The following PDE11A variants were observed in gnomAD, a reference collection of about 807,000 sequenced individuals.
PDE11A encodes the protein dual 3',5'-cyclic-AMP and -GMP phosphodiesterase 11A.
Under a neutral mutation model 100.5 loss-of-function variants are expected in PDE11A, and 100 were observed. That is an observed-to-expected ratio of 1.00 (90% CI 0.85 to 1.18). PDE11A has a LOEUF of 1.18. PDE11A is among the 50% of genes most tolerant of loss of function. The pLI, the probability that PDE11A is intolerant of heterozygous loss-of-function variation, is 0.00. For missense variants in PDE11A, 1,141 were observed against 1,152.6 expected (o/e 0.99, Z 0.15); for synonymous variants, 381 against 420.8 (o/e 0.91, Z 1.16).
intron 2 of PDE11A, among the ~76,000 whole-genome samples, chr2:177,919,333 G>A (rs1194496666): frequency 1.3e-5 from 2 of 151,966 alleles, no homozygotes; most frequent in African/African-American, 2.4e-5. Flanking sequence ...TTTTGACCTC[G>A]TGATCCGCCC....
At chr2:177,650,181 T>C (rs954997651) in intron 19 of PDE11A, among the ~76,000 whole-genome samples, 9 of 152,200 alleles carry the variant, frequency 5.9e-5, no homozygotes, top group Admixed American at 5.9e-4. Context: ...TGAAAAGCGA[T>C]CGATGTCTCC....
At chr2:177,846,032 G>A (rs896566883) in intron 5 of PDE11A, among the ~76,000 whole-genome samples, 2 of 141,880 alleles carry the variant, frequency 1.4e-5, no homozygotes, top group Admixed American at 7.0e-5. Context: ...GGGGGAGACC[G>A]TGGGGAGAGG....
intron 5 of PDE11A, among the ~76,000 whole-genome samples, chr2:177,866,626 T>TG (rs2084034464): frequency 6.6e-6 from 1 of 152,234 alleles, no homozygotes. Flanking sequence ...GGAATGTAGC[T>TG]GAAAGGCCTT....
chr2:177,846,373 A>C (rs2083602830), intron 5 of PDE11A, among the ~76,000 whole-genome samples: 1 of 152,224 alleles, frequency 6.6e-6, no homozygotes, highest in Non-Finnish European at 1.5e-5. Context: ...CACAACTTTT[A>C]AAGCAAATTC....
At chr2:177,997,890 A>G in intron 2 of PDE11A, 1 of 1,367,752 alleles carries the variant, frequency 7.3e-7, no homozygotes, top group African/African-American at 1.4e-5. Context: ...CACAAAATGA[A>G]CTCATCTCCA....
Position 178,038,429 on chromosome 2 carries a change from A to G in PDE11A, c.913-23969T>C, listed in dbSNP as rs191022644. Among the ~76,000 whole-genome samples the G allele has an allele frequency of 2.1e-3, 318 of 152,278 alleles. 2 individuals carry two copies. Among genetic ancestry groups the G allele is most frequent in the African/African-American group, 7.2e-3 (301 of 41,566 alleles). On this transcript the variant is annotated intron_variant, in intron 1 of 19. Coordinates refer to ENST00000286063, the MANE Select transcript of PDE11A (RefSeq NM_016953.4). Reference sequence around the variant, plus strand: ...TCTTTCATTCCACATTATTAAAAAAAAAGAATGAAAATCAAGCAATAAAGA... The same window carrying G: ...TCTTTCATTCCACATTATTAAAAAAGAAGAATGAAAATCAAGCAATAAAGA...
intron 4 of PDE11A, among the ~76,000 whole-genome samples, chr2:177,891,625 G>C (rs1052292294): frequency 6.6e-6 from 1 of 152,204 alleles, no homozygotes; most frequent in Admixed American, 6.5e-5. Flanking sequence ...AAGGCAAAAA[G>C]CTGGGTACTC....
intron 15 of PDE11A, among the ~76,000 whole-genome samples, chr2:177,684,710 A>G (rs529828597): frequency 6.6e-6 from 1 of 152,344 alleles, no homozygotes; most frequent in East Asian, 1.9e-4. Context: ...GATCAAAGGA[A>G]ATGATTTATG....
intron 5 of PDE11A, among the ~76,000 whole-genome samples, chr2:177,855,903 AACACACACACACACACAC>A (rs57202805): frequency 5.5e-4 from 77 of 139,662 alleles, no homozygotes; most frequent in East Asian, 2.7e-3. Context: ...GAACGTATGC[AACACACACACACACACAC>A]ACACACACAC....
intron 1 of PDE11A, among the ~76,000 whole-genome samples, chr2:178,048,473 C>A (rs966905773): frequency 6.6e-6 from 1 of 152,126 alleles, no homozygotes; most frequent in African/African-American, 2.4e-5. Flanking sequence ...CTTCCCTTAA[C>A]CCGTCCACCC....
chr2:177,756,974 A>G (rs181434716), intron 10 of PDE11A, among the ~76,000 whole-genome samples: 61 of 152,368 alleles, frequency 4.0e-4, no homozygotes, highest in African/African-American at 1.3e-3. Flanking sequence ...AGGAGGGTCA[A>G]GCCAAGACGA....
chr2:177,710,817 A>G (rs1244641330), intron 13 of PDE11A, among the ~76,000 whole-genome samples: 1 of 152,212 alleles, frequency 6.6e-6, no homozygotes, highest in Non-Finnish European at 1.5e-5. Flanking sequence ...GAGAATGATG[A>G]GCTGAAAAGA....
chr2:178,042,965 G>A (rs2086702870), intron 1 of PDE11A, among the ~76,000 whole-genome samples: 1 of 152,084 alleles, frequency 6.6e-6, no homozygotes, highest in Non-Finnish European at 1.5e-5. Flanking sequence ...TGGACATGGG[G>A]GCTGAGGCAT....
chr2:178,086,304 C>T (rs1049784334), intron 2 of PDE11A, among the ~76,000 whole-genome samples: 1 of 152,162 alleles, frequency 6.6e-6, no homozygotes. Flanking sequence ...CTATCACATC[C>T]TATTGGTTAA....
intron 13 of PDE11A, among the ~76,000 whole-genome samples, chr2:177,709,263 A>G (rs931969843): frequency 2.0e-5 from 3 of 152,168 alleles, no homozygotes; most frequent in Non-Finnish European, 4.4e-5. Flanking sequence ...CAGCTTTGTG[A>G]ATTAGAAAGA....
rs1406960214 is a variant in PDE11A at position 177,773,153 on chromosome 2, T to A, written c.1738-3780A>T. 2.0e-5 allele frequency among the ~76,000 whole-genome samples: 3 copies of A among 152,142 alleles called. No individual in the cohort carries two copies. In the South Asian group the frequency reaches 6.2e-4, roughly 32 times the overall value. On this transcript the variant is annotated intron_variant, in intron 9 of 19. Transcript: ENST00000286063. ...CTCCCACCTCAGCCTCCCAAGTAGC[T>A]GGGATTACAGGAACACACCACCACG...
rs116623080 is a variant in PDE11A at position 177,707,665 on chromosome 2, T to A, written c.2153+4104A>T. Among the ~76,000 whole-genome samples the A allele has an allele frequency of 9.2e-4, 140 of 152,282 alleles. 1 individual carries two copies. Among genetic ancestry groups the A allele is most frequent in the African/African-American group, 3.0e-3 (125 of 41,552 alleles). ...AATCTGCATGAGCCTGCAGCTTGGA[T>A]CCCTGCAGCTAACTGTCTTAATATC... On this transcript the variant is annotated intron_variant, in intron 13 of 19. Coordinates refer to ENST00000286063, the MANE Select transcript of PDE11A (RefSeq NM_016953.4).
chr2:177,789,186 C>T (rs2082589536), intron 9 of PDE11A, among the ~76,000 whole-genome samples: 1 of 152,104 alleles, frequency 6.6e-6, no homozygotes, highest in Admixed American at 6.5e-5. Context: ...AAAGCTTATG[C>T]ACCATGATCA....
chr2:177,945,505 G>GC (rs2085402366), intron 2 of PDE11A, among the ~76,000 whole-genome samples: 2 of 147,782 alleles, frequency 1.4e-5, no homozygotes, highest in South Asian at 4.5e-4. Flanking sequence ...CCTCTGCCCG[G>GC]CCGAGACCCC....
Sources: gnomAD v4.1 joint callset for allele counts (sites outside exome capture counted in the v4.1 genomes callset) on GRCh38, gnomAD v4.1.1 for gene constraint, MANE v1.5 for transcripts, NCBI Gene and HGNC (gene_info 2026-07-23, HGNC 2026-07-21) for gene names.